RANBP2: variants seen among roughly 807,000 people sequenced by gnomAD.
The protein encoded by RANBP2 is E3 SUMO-protein ligase RanBP2.
RANBP2 carries 57 observed loss-of-function variants against 303.6 expected under a neutral mutation model. The ratio of observed to expected loss-of-function variants is 0.19; its 90% CI spans 0.15 to 0.23. RANBP2 has a LOEUF of 0.23. RANBP2 is among the 10% of genes least tolerant of loss of function. The pLI is 1.00. For synonymous variants in RANBP2, 1,167 were observed against 1,301.5 expected, an observed-to-expected ratio of 0.90 and a Z score of 2.23; for missense variants, 3,138 against 3,780.8, an observed-to-expected ratio of 0.83 and a Z score of 4.46.
chr2:109,627,012 A>G, the RANBP2 span, among the ~76,000 whole-genome samples: 1 of 151,982 alleles, frequency 6.6e-6, no homozygotes, highest in Non-Finnish European at 1.5e-5. Flanking sequence ...AAAACAAACA[A>G]ACGAACAGGG....
At chr2:108,823,412 G>C in the RANBP2 span, among the ~76,000 whole-genome samples, 5 of 152,160 alleles carry the variant, frequency 3.3e-5, no homozygotes, top group Non-Finnish European at 7.3e-5. Context: ...GAATTCAACA[G>C]TACAGTCATG....
chr2:109,740,633 C>T, the RANBP2 span, among the ~76,000 whole-genome samples: 2 of 152,216 alleles, frequency 1.3e-5, no homozygotes, highest in Middle Eastern at 3.4e-3. Context: ...AAGCATGTAA[C>T]ATTTTCATTA....
chr2:109,099,797 T>C, the RANBP2 span, among the ~76,000 whole-genome samples: 1 of 152,172 alleles, frequency 6.6e-6, no homozygotes, highest in African/African-American at 2.4e-5. Context: ...CATTTTTGTT[T>C]TTTTAATCAT....
chr2:109,337,606 C>T, the RANBP2 span, among the ~76,000 whole-genome samples: 1 of 152,142 alleles, frequency 6.6e-6, no homozygotes, highest in African/African-American at 2.4e-5. Flanking sequence ...CTAGGAAGTC[C>T]ATCCTCCATT....
the RANBP2 span, among the ~76,000 whole-genome samples, chr2:109,525,079 GTTTTTTTT>G: frequency 7.0e-4 from 83 of 119,400 alleles, no homozygotes; most frequent in African/African-American, 2.3e-3. Flanking sequence ...CCTTACCGTT[GTTTTTTTT>G]TTTTTTTTTG....
At chr2:109,551,349 C>CTT in the RANBP2 span, among the ~76,000 whole-genome samples, 1 of 152,176 alleles carries the variant, frequency 6.6e-6, no homozygotes, top group South Asian at 2.1e-4. Context: ...TGAGTGGTAT[C>CTT]TTTTTATTAG....
the RANBP2 span, among the ~76,000 whole-genome samples, chr2:109,142,968 C>CT: frequency 1.3e-5 from 2 of 151,992 alleles, no homozygotes; most frequent in African/African-American, 4.8e-5. Flanking sequence ...GTGCCGGGGG[C>CT]TTGGGGCTGG....
At chr2:109,298,546 G>A in the RANBP2 span, among the ~76,000 whole-genome samples, 1 of 152,182 alleles carries the variant, frequency 6.6e-6, no homozygotes, top group East Asian at 1.9e-4. Flanking sequence ...CCTTGACTTT[G>A]GCCAACTGTT....
At chr2:109,528,440 T>C in the RANBP2 span, among the ~76,000 whole-genome samples, 1 of 152,340 alleles carries the variant, frequency 6.6e-6, no homozygotes, top group Non-Finnish European at 1.5e-5. Context: ...AATCCTTCCA[T>C]GCCCTGCCCT....
the RANBP2 span, among the ~76,000 whole-genome samples, chr2:109,335,144 G>A: frequency 1.8e-4 from 27 of 152,322 alleles, no homozygotes; most frequent in African/African-American, 6.0e-4. Context: ...TCGTCAGGAC[G>A]TTTTGCAGCA....
the RANBP2 span, among the ~76,000 whole-genome samples, chr2:109,051,909 C>A: frequency 3.9e-5 from 6 of 152,032 alleles, no homozygotes; most frequent in Non-Finnish European, 8.8e-5. Context: ...CCACCATGCC[C>A]AGCTAATTTT....
intron 1 of RANBP2, among the ~76,000 whole-genome samples, chr2:108,727,647 A>C (rs1296176619): frequency 1.5e-5 from 2 of 131,646 alleles, no homozygotes; most frequent in Non-Finnish European, 3.1e-5. Flanking sequence ...TCTGTTGCCC[A>C]CGCTGGAGTG....
the RANBP2 span, among the ~76,000 whole-genome samples, chr2:108,979,500 CGCAT>C: frequency 6.7e-6 from 1 of 149,332 alleles, no homozygotes; most frequent in Non-Finnish European, 1.5e-5. Context: ...CACACACACA[CGCAT>C]GGCACACCCC....
At chr2:109,341,289 A>C in the RANBP2 span, among the ~76,000 whole-genome samples, 4 of 152,228 alleles carry the variant, frequency 2.6e-5, no homozygotes, top group African/African-American at 9.6e-5. Context: ...AACAGTAACA[A>C]ACTTCTTCAT....
At chr2:108,910,393 G>T in the RANBP2 span, 43 of 1,335,358 alleles carry the variant, frequency 3.2e-5, no homozygotes, top group Middle Eastern at 2.1e-4. Context: ...GCTGCACCCT[G>T]GTTCCCCTCC....
chr2:109,748,847 T>A, the RANBP2 span, among the ~76,000 whole-genome samples: 932 of 138,056 alleles, frequency 6.8e-3, 5 homozygotes, highest in East Asian at 0.063. Flanking sequence ...CATTCTGGCC[T>A]GGGTGACAGA....
chr2:108,770,748 T>C (rs1558930876), intron 20 of RANBP2, among the ~76,000 whole-genome samples: 1 of 152,204 alleles, frequency 6.6e-6, no homozygotes, highest in East Asian at 1.9e-4. Context: ...GTCCAAAATA[T>C]CATTTTAACT....
chr2:109,679,552 A>G, the RANBP2 span, among the ~76,000 whole-genome samples: 20 of 152,348 alleles, frequency 1.3e-4, no homozygotes, highest in South Asian at 4.1e-4. Flanking sequence ...GCTCCAGGAT[A>G]GATGAGGAGG....
chr2:109,691,720 C>T, the RANBP2 span, among the ~76,000 whole-genome samples: 39 of 151,966 alleles, frequency 2.6e-4, no homozygotes, highest in African/African-American at 9.2e-4. Context: ...TGTGGGGGCC[C>T]TGGACACATG....
Sources: allele counts gnomAD v4.1 joint callset (sites outside exome capture counted in the v4.1 genomes callset), GRCh38; gene constraint gnomAD v4.1.1; transcripts MANE v1.5; gene names NCBI Gene and HGNC (gene_info 2026-07-23, HGNC 2026-07-21).